Variants in FAM135B observed in about 807,000 individuals in gnomAD.
FAM135B encodes the protein family with sequence similarity 135 member B.
Under a neutral mutation model 127.7 loss-of-function variants are expected in FAM135B, and 43 were observed. That is an observed-to-expected ratio of 0.34 (90% CI 0.26 to 0.43). The LOEUF (loss-of-function observed/expected upper bound fraction) is 0.43, where lower values mean the gene tolerates loss of function less well. FAM135B is among the 20% of genes least tolerant of loss of function. FAM135B has a pLI of 1.00. For synonymous variants in FAM135B, 670 were observed against 665.1 expected (o/e 1.01, Z -0.11); for missense variants, 1,558 against 1,725.6 (o/e 0.90, Z 1.72).
intron 1 of FAM135B, among the ~76,000 whole-genome samples, chr8:138,391,019 A>G (rs1269039650): frequency 6.6e-6 from 1 of 152,142 alleles, no homozygotes; most frequent in Non-Finnish European, 1.5e-5. Flanking sequence ...CTACTTCCCA[A>G]GATGAAGAAT....
chr8:138,308,019 A>G (rs2130878136), intron 3 of FAM135B, among the ~76,000 whole-genome samples: 1 of 152,258 alleles, frequency 6.6e-6, no homozygotes, highest in East Asian at 1.9e-4. Context: ...CAGTGCTTCC[A>G]ATGAACGGCG....
At chr8:138,137,315 C>A in intron 18 of FAM135B, 55 bp from the exon 19 acceptor site, 1 of 969,824 alleles carries the variant, frequency 1.0e-6, no homozygotes. Flanking sequence ...AACTTCAACA[C>A]CCTCTGGAAA....
intron 1 of FAM135B, among the ~76,000 whole-genome samples, chr8:138,427,204 G>C (rs544642697): frequency 6.6e-6 from 1 of 151,236 alleles, no homozygotes; most frequent in Non-Finnish European, 1.5e-5. Flanking sequence ...GGGGGTGTAG[G>C]TGATATTCTG....
intron 3 of FAM135B, among the ~76,000 whole-genome samples, chr8:138,304,741 C>G (rs1164207933): frequency 6.6e-6 from 1 of 152,214 alleles, no homozygotes; most frequent in African/African-American, 2.4e-5. Flanking sequence ...ACAAAGGATA[C>G]AGTGGCAATG....
At chr8:138,274,983 T>A (rs910572447) in intron 3 of FAM135B, among the ~76,000 whole-genome samples, 1 of 151,870 alleles carries the variant, frequency 6.6e-6, no homozygotes, top group African/African-American at 2.4e-5. Flanking sequence ...GCGATATACA[T>A]CCTCCTCAGC....
chr8:138,464,278 C>G (rs181876869), intron 1 of FAM135B, among the ~76,000 whole-genome samples: 1 of 152,160 alleles, frequency 6.6e-6, no homozygotes, highest in Non-Finnish European at 1.5e-5. Context: ...AGATTCTTCA[C>G]TCCCTCCTGA....
intron 2 of FAM135B, among the ~76,000 whole-genome samples, chr8:138,322,276 C>G (rs1458661037): frequency 6.6e-6 from 1 of 152,086 alleles, no homozygotes; most frequent in Admixed American, 6.5e-5. Context: ...GCTCCTCTGC[C>G]CCACACCTGA....
chr8:138,380,589 T>C lies in FAM135B; in HGVS notation c.-19-12587A>G, dbSNP rs534175256. ...CCCGCTCCTTACACAGATACGACAT[T>C]TGAGGCCCAGAAAAGGGAGTGGTTT... On this transcript the variant is annotated intron_variant, in intron 1 of 19. Coordinates refer to ENST00000395297, the MANE Select transcript of FAM135B (RefSeq NM_015912.4). Among the ~76,000 whole-genome samples, 3 of 152,184 alleles carry C rather than the reference T, an allele frequency of 2.0e-5. No homozygotes were observed. The East Asian group carries it at 5.8e-4, about 30-fold the overall frequency.
chr8:138,132,495 A>G lies in FAM135B; in HGVS notation c.*98T>C. On this transcript the variant is annotated 3_prime_UTR_variant, in exon 20 of 20. Coordinates refer to ENST00000395297, the MANE Select transcript of FAM135B (RefSeq NM_015912.4). The surrounding 1 kb of genome is among the most constrained non-coding windows in gnomAD (Gnocchi z 4.5). Reference sequence around the variant, plus strand: ...GAGCCTCCGTCCCCCAATGCTGTTGAAGCTTCATTCTGAAATGGTGAGGTC... The same window carrying G: ...GAGCCTCCGTCCCCCAATGCTGTTGGAGCTTCATTCTGAAATGGTGAGGTC... The G allele has an allele frequency of 2.0e-6, 2 of 1,021,164 alleles. No individual in the cohort carries two copies. The highest frequency in any genetic ancestry group is 3.0e-6 in the Non-Finnish European group (2 of 669,274). The allele number at this position is 1,021,164 out of a possible 1,614,324, so 63.3% of individuals were successfully genotyped here.
intron 1 of FAM135B, among the ~76,000 whole-genome samples, chr8:138,371,401 C>T (rs1273196094): frequency 1.3e-5 from 2 of 152,096 alleles, no homozygotes; most frequent in Non-Finnish European, 2.9e-5. Flanking sequence ...CACACACACA[C>T]AAATCTTCAT....
chr8:138,312,724 C>T (rs1826786223), intron 2 of FAM135B, among the ~76,000 whole-genome samples: 1 of 152,096 alleles, frequency 6.6e-6, no homozygotes, highest in Non-Finnish European at 1.5e-5. Flanking sequence ...CCCCAGACTG[C>T]ATGAAAACAC....
intron 9 of FAM135B, among the ~76,000 whole-genome samples, chr8:138,186,042 C>G (rs1815534237): frequency 6.6e-6 from 1 of 152,178 alleles, no homozygotes. Flanking sequence ...GCTGTTCCCT[C>G]TGCCCTGAGG....
intron 1 of FAM135B, among the ~76,000 whole-genome samples, chr8:138,453,731 G>A (rs914592408): frequency 1.3e-5 from 2 of 152,146 alleles, no homozygotes; most frequent in African/African-American, 4.8e-5. Context: ...CAGAGAGCAG[G>A]TCTTGGAGCC....
intron 1 of FAM135B, among the ~76,000 whole-genome samples, chr8:138,414,076 A>C (rs563242146): frequency 1.1e-3 from 157 of 148,546 alleles, no homozygotes; most frequent in Non-Finnish European, 1.7e-3. Flanking sequence ...GTGATAATTT[A>C]ATAAATACAA....
intron 7 of FAM135B, among the ~76,000 whole-genome samples, chr8:138,203,810 G>A (rs1817345090): frequency 6.6e-6 from 1 of 152,094 alleles, no homozygotes; most frequent in Non-Finnish European, 1.5e-5. Context: ...CCATAATGTA[G>A]AGTCAGTGAT....
At chr8:138,269,704 G>A (rs1300943239) in intron 3 of FAM135B, among the ~76,000 whole-genome samples, 1 of 152,212 alleles carries the variant, frequency 6.6e-6, no homozygotes, top group African/African-American at 2.4e-5. Flanking sequence ...CAGCTGTGTG[G>A]CCTTAGGCAG....
intron 3 of FAM135B, among the ~76,000 whole-genome samples, chr8:138,268,010 T>A (rs943857352): frequency 4.6e-5 from 7 of 152,162 alleles, no homozygotes; most frequent in African/African-American, 1.7e-4. Context: ...GTGGATGGGG[T>A]GAATACCCTG....
At chr8:138,327,642 T>C (rs1364766442) in intron 2 of FAM135B, among the ~76,000 whole-genome samples, 1 of 152,190 alleles carries the variant, frequency 6.6e-6, no homozygotes, top group Non-Finnish European at 1.5e-5. Flanking sequence ...AATTGAACAT[T>C]GCTGAGGACA....
At chr8:138,263,801 T>G (rs1026141011) in intron 4 of FAM135B, among the ~76,000 whole-genome samples, 1 of 152,258 alleles carries the variant, frequency 6.6e-6, no homozygotes, top group African/African-American at 2.4e-5. Context: ...ATTCATTCAT[T>G]CAACAACTAA....
Sources: allele counts gnomAD v4.1 joint callset (sites outside exome capture counted in the v4.1 genomes callset), GRCh38; gene constraint gnomAD v4.1.1; non-coding constraint Gnocchi (gnomAD v3.1); transcripts MANE v1.5; gene names NCBI Gene and HGNC (gene_info 2026-07-23, HGNC 2026-07-21).